Variants in KIF13B observed in about 807,000 individuals in gnomAD.
KIF13B encodes the protein kinesin family member 13B, also known as kinesin-like protein KIF13B.
In KIF13B, 127 loss-of-function variants were observed where a neutral mutation model predicts 222.0. The ratio of observed to expected loss-of-function variants is 0.57; its 90% CI spans 0.50 to 0.66. The LOEUF (loss-of-function observed/expected upper bound fraction) is 0.66, where lower values mean the gene tolerates loss of function less well. Among genes scored for constraint, KIF13B ranks in the 30% least tolerant of loss-of-function variants. KIF13B has a pLI of 0.00. For synonymous variants in KIF13B, 976 were observed against 919.0 expected (o/e 1.06, Z -1.12); for missense variants, 2,173 against 2,379.0 (o/e 0.91, Z 1.80).
At chr8:29,215,504 C>A (rs542429904) in intron 2 of KIF13B, among the ~76,000 whole-genome samples, 2 of 152,052 alleles carry the variant, frequency 1.3e-5, no homozygotes, top group African/African-American at 4.8e-5. Flanking sequence ...GCTTGAGCAA[C>A]GTAGGGAGAC....
chr8:29,085,951 T>C (rs1383193624), intron 37 of KIF13B, among the ~76,000 whole-genome samples: 2 of 151,416 alleles, frequency 1.3e-5, no homozygotes, highest in Non-Finnish European at 2.9e-5. Flanking sequence ...TCTATGGCCC[T>C]AGGACCCTCC....
chr8:29,198,528 G>C (rs1813541975), intron 2 of KIF13B, among the ~76,000 whole-genome samples: 1 of 152,008 alleles, frequency 6.6e-6, no homozygotes, highest in Non-Finnish European at 1.5e-5. Flanking sequence ...TCACCATGTT[G>C]GCCAGGCTGG....
chr8:29,103,563 T>G (rs1266081987), intron 35 of KIF13B, among the ~76,000 whole-genome samples: 1 of 152,220 alleles, frequency 6.6e-6, no homozygotes, highest in Non-Finnish European at 1.5e-5. Flanking sequence ...CAAGAGTGAT[T>G]TATTTTAGGC....
intron 18 of KIF13B, among the ~76,000 whole-genome samples, chr8:29,144,330 G>A (rs921251039): frequency 6.6e-6 from 1 of 151,862 alleles, no homozygotes; most frequent in African/African-American, 2.4e-5. Context: ...GCCCAATCTC[G>A]GCTCACTGCA....
intron 1 of KIF13B, among the ~76,000 whole-genome samples, chr8:29,257,174 C>T (rs1264287542): frequency 1.3e-5 from 2 of 152,168 alleles, no homozygotes; most frequent in Non-Finnish European, 2.9e-5. Flanking sequence ...CTTCAGTCAA[C>T]ACTGTTGAAA....
At chr8:29,195,830 A>G (rs1813394169) in intron 3 of KIF13B, among the ~76,000 whole-genome samples, 1 of 152,220 alleles carries the variant, frequency 6.6e-6, no homozygotes, top group South Asian at 2.1e-4. Context: ...GAGGCCGCGC[A>G]GGTTTCTGTT....
rs112270028 is a variant in KIF13B, at chr8:29,131,178, G to A, written c.2943-513C>T. Among the ~76,000 whole-genome samples, 1,179 of 152,210 alleles carry A rather than the reference G, an allele frequency of 7.7e-3. 12 individuals are homozygous for A. The highest frequency in any genetic ancestry group is 0.026 in the African/African-American group (1,092 of 41,508). Reference sequence around the variant, plus strand: ...ACACTGGAGACTCCCAGGAGTTGGGGAGCAGGGAAGTGAGCAAGGGTTGAA... The same window carrying A: ...ACACTGGAGACTCCCAGGAGTTGGGAAGCAGGGAAGTGAGCAAGGGTTGAA... On this transcript the variant is annotated intron_variant, in intron 23 of 39. Transcript: ENST00000524189.
At chr8:29,077,004 G>A (rs1807594022) in intron 37 of KIF13B, among the ~76,000 whole-genome samples, 1 of 152,174 alleles carries the variant, frequency 6.6e-6, no homozygotes, top group African/African-American at 2.4e-5. Context: ...TAAGGTGGAA[G>A]GACCAAGGAA....
intron 2 of KIF13B, among the ~76,000 whole-genome samples, chr8:29,200,533 C>A (rs1340033302): frequency 6.6e-6 from 1 of 152,196 alleles, no homozygotes; most frequent in Non-Finnish European, 1.5e-5. Context: ...ATCCTGTACA[C>A]CCTTCTCCAA....
At chr8:29,219,736 C>T (rs1185533569) in intron 2 of KIF13B, among the ~76,000 whole-genome samples, 2 of 144,150 alleles carry the variant, frequency 1.4e-5, no homozygotes, top group Non-Finnish European at 3.0e-5. Context: ...CTGGGTGACA[C>T]CCTGTTTCCA....
rs748370258 is a variant in KIF13B at position 29,070,519 on chromosome 8, T to C, written c.5466A>G (p.Lys1822=). ...DRSHKNPENR[K]SWAS ...AGGCAGCGGCTCAGCTGGCCCAGGA[T>C]TTCCGGTTCTCAGGGTTCTTGTGGC... Residue 1822 remains lysine, a synonymous_variant, in exon 40 of 40, where the codon AAA becomes AAG. Coordinates refer to ENST00000524189, the MANE Select transcript of KIF13B (RefSeq NM_015254.4). The surrounding 1 kb of genome is among the most constrained non-coding windows in gnomAD (Gnocchi z 4.1). 4.3e-6 allele frequency: 7 copies of C among 1,610,744 alleles called. No individual in the cohort carries two copies. Among genetic ancestry groups the C allele is most frequent in the Non-Finnish European group, 5.9e-6 (7 of 1,178,876 alleles).
intron 1 of KIF13B, among the ~76,000 whole-genome samples, chr8:29,245,871 T>C (rs1367914290): frequency 6.6e-6 from 1 of 152,240 alleles, no homozygotes; most frequent in East Asian, 1.9e-4. Flanking sequence ...ATCAGTTGTG[T>C]TTCTGTATAC....
chr8:29,200,504 C>T (rs1025897786), intron 2 of KIF13B, among the ~76,000 whole-genome samples: 3 of 152,100 alleles, frequency 2.0e-5, no homozygotes, highest in Non-Finnish European at 4.4e-5. Flanking sequence ...ACAAAAAGCT[C>T]CAAAAATAGT....
rs150175370 is a variant in KIF13B at position 29,148,399 on chromosome 8, C to CAT, written c.1813+177_1813+178insAT. On this transcript the variant is annotated intron_variant, in intron 16 of 39. Coordinates refer to ENST00000524189, the MANE Select transcript of KIF13B (RefSeq NM_015254.4). ...ATCATAAACATTTTTAACACTCTAC[C>CAT]GTTTTTTTTTTTTTAAAGAGAGAAC... 9.8e-3 allele frequency among the ~76,000 whole-genome samples: 1,463 copies of CAT among 149,794 alleles called. 10 individuals are homozygous for CAT. Among genetic ancestry groups the CAT allele is most frequent in the African/African-American group, 0.02 (800 of 40,658 alleles).
chr8:29,203,744 A>G (rs571010653), intron 2 of KIF13B, among the ~76,000 whole-genome samples: 4 of 152,042 alleles, frequency 2.6e-5, no homozygotes, highest in African/African-American at 9.6e-5. Flanking sequence ...TACAAAATAA[A>G]TTAGCCGGGC....
chr8:29,097,139 C>A (rs559734560), intron 36 of KIF13B, among the ~76,000 whole-genome samples: 1 of 152,104 alleles, frequency 6.6e-6, no homozygotes, highest in Non-Finnish European at 1.5e-5. Context: ...AAAGATACAT[C>A]GTGCAAACAG....
intron 18 of KIF13B, among the ~76,000 whole-genome samples, chr8:29,144,477 C>T (rs1472565959): frequency 2.0e-5 from 3 of 152,018 alleles, no homozygotes; most frequent in African/African-American, 4.8e-5. Context: ...AGGCTGGTCT[C>T]GAACTCCTGA....
intron 1 of KIF13B, among the ~76,000 whole-genome samples, chr8:29,261,766 G>A (rs897856246): frequency 6.6e-6 from 1 of 150,954 alleles, no homozygotes; most frequent in African/African-American, 2.5e-5. Context: ...AGCTTTAATC[G>A]GACCTAGCAG....
At chr8:29,208,717 C>T (rs966601322) in intron 2 of KIF13B, among the ~76,000 whole-genome samples, 11 of 152,164 alleles carry the variant, frequency 7.2e-5, no homozygotes, top group African/African-American at 2.7e-4. Context: ...AGGGTGGGAC[C>T]TTGGTCAGTG....
Sources: allele counts gnomAD v4.1 joint callset (sites outside exome capture counted in the v4.1 genomes callset), GRCh38; gene constraint gnomAD v4.1.1; non-coding constraint Gnocchi (gnomAD v3.1); transcripts MANE v1.5; gene names NCBI Gene and HGNC (gene_info 2026-07-23, HGNC 2026-07-21).